KIF26B: variants seen among roughly 807,000 people sequenced by gnomAD.
KIF26B encodes kinesin-like protein KIF26B.
Under a neutral mutation model 151.2 loss-of-function variants are expected in KIF26B, and 63 were observed. That is an observed-to-expected ratio of 0.42 (90% CI 0.34 to 0.51). The LOEUF is 0.51. Ranked by LOEUF, KIF26B falls within the 20% of genes least tolerant of loss-of-function variation. The pLI is 0.07. For synonymous variants in KIF26B, 1,357 were observed against 1,262.1 expected (o/e 1.08, Z -1.59); for missense variants, 2,813 against 2,913.6 (o/e 0.97, Z 0.79).
intron 5 of KIF26B, among the ~76,000 whole-genome samples, chr1:245,587,335 C>T (rs544218437): frequency 1.2e-3 from 182 of 152,200 alleles, no homozygotes; most frequent in African/African-American, 4.1e-3. Context: ...CCTGATAAAC[C>T]GTAAGCCCCT....
At chr1:245,482,426 T>C (rs1660188421) in intron 4 of KIF26B, among the ~76,000 whole-genome samples, 2 of 151,816 alleles carry the variant, frequency 1.3e-5, no homozygotes, top group South Asian at 4.2e-4. Flanking sequence ...CAATGAGTAA[T>C]CCTTTATAAT....
intron 5 of KIF26B, among the ~76,000 whole-genome samples, chr1:245,544,857 A>T (rs992576285): frequency 5.3e-5 from 8 of 152,134 alleles, no homozygotes; most frequent in Non-Finnish European, 8.8e-5. Context: ...GTGCTATCCC[A>T]TCCCTTCCCT....
chr1:245,303,480 A>G (rs4428926), intron 2 of KIF26B, among the ~76,000 whole-genome samples: 41,364 of 150,714 alleles, frequency 0.27, 5,912 homozygotes, highest in Admixed American at 0.38. Flanking sequence ...TTACAGGCGT[A>G]AGCCACCGCG....
At chr1:245,640,143 CTA>C (rs1166040223) in intron 9 of KIF26B, among the ~76,000 whole-genome samples, 18 of 31,860 alleles carry the variant, frequency 5.6e-4, no homozygotes, top group Non-Finnish European at 3.5e-4. Flanking sequence ...CTCTCTCTCT[CTA>C]TATATATATA....
At chr1:245,475,808 T>C (rs1029693704) in intron 4 of KIF26B, among the ~76,000 whole-genome samples, 1 of 151,826 alleles carries the variant, frequency 6.6e-6, no homozygotes, top group Admixed American at 6.6e-5. Flanking sequence ...ACGTTGTTTG[T>C]GGGAATGTAA....
chr1:245,287,498 CTTTTTT>C (rs1334935128), intron 2 of KIF26B, among the ~76,000 whole-genome samples: 1 of 109,340 alleles, frequency 9.1e-6, no homozygotes. Context: ...CTCTCTCTCT[CTTTTTT>C]TTTTTTTTTT....
intron 3 of KIF26B, among the ~76,000 whole-genome samples, chr1:245,415,339 TG>T (rs1674391189): frequency 6.6e-6 from 1 of 152,176 alleles, no homozygotes; most frequent in Non-Finnish European, 1.5e-5. Context: ...TTTGTTTCTT[TG>T]ATTAATAGGA....
chr1:245,579,261 A>G (rs2043152019), intron 5 of KIF26B, among the ~76,000 whole-genome samples: 1 of 152,216 alleles, frequency 6.6e-6, no homozygotes, highest in Admixed American at 6.5e-5. Flanking sequence ...CATTCTGGAA[A>G]CTTTGCACAA....
intron 11 of KIF26B, 78 bp downstream of exon 11, chr1:245,684,473 C>G (rs999520995): frequency 2.8e-6 from 4 of 1,410,816 alleles, no homozygotes. Context: ...TCAGAAAAAG[C>G]CAAATCAACG....
chr1:245,465,467 A>C (rs1659765142), intron 4 of KIF26B, among the ~76,000 whole-genome samples: 1 of 152,058 alleles, frequency 6.6e-6, no homozygotes, highest in Non-Finnish European at 1.5e-5. Flanking sequence ...GGTTCACTTA[A>C]AGGCACGGCT....
chr1:245,245,883 A>C (rs906958277), intron 2 of KIF26B, among the ~76,000 whole-genome samples: 4 of 149,792 alleles, frequency 2.7e-5, no homozygotes, highest in Admixed American at 6.8e-5. Context: ...CCGAGATCAC[A>C]CTACTACAGT....
rs1660498750 is a variant in KIF26B at position 245,495,690 on chromosome 1, A to T, written c.1167-45077A>T. On this transcript the variant is annotated intron_variant, in intron 4 of 14. Coordinates refer to ENST00000407071, the MANE Select transcript of KIF26B (RefSeq NM_018012.4). This position sits in a 1 kb window ranked among gnomAD's most constrained non-coding sequence, Gnocchi z 4.2. ...CCTTTCTCAGCCTCTAACACCTAAAATTCTACTTCAAAATGTGATTTAAGA... is the reference window on the plus strand; with the variant it reads ...CCTTTCTCAGCCTCTAACACCTAAATTTCTACTTCAAAATGTGATTTAAGA... Among the ~76,000 whole-genome samples, 1 of 152,196 alleles carries T rather than the reference A, an allele frequency of 6.6e-6. No homozygotes were observed. The highest frequency in any genetic ancestry group is 2.4e-5 in the African/African-American group (1 of 41,450).
At chr1:245,528,398 C>T (rs1038701678) in intron 4 of KIF26B, among the ~76,000 whole-genome samples, 1 of 152,176 alleles carries the variant, frequency 6.6e-6, no homozygotes, top group African/African-American at 2.4e-5. Context: ...GGGATCCTGC[C>T]CGCTGTGCTT....
intron 10 of KIF26B, 38 bp downstream of exon 10, chr1:245,646,318 A>G (rs764869720): frequency 6.2e-7 from 1 of 1,606,088 alleles, no homozygotes; most frequent in African/African-American, 1.3e-5. Flanking sequence ...TGGTGGGGTA[A>G]GCATGGTGTG....
At chr1:245,420,745 A>G (rs1572053553) in intron 4 of KIF26B, among the ~76,000 whole-genome samples, 2 of 152,356 alleles carry the variant, frequency 1.3e-5, no homozygotes, top group Middle Eastern at 6.8e-3. Flanking sequence ...GATGATGAGA[A>G]ATTATAAAGT....
At chr1:245,612,119 AGAGAG>A in intron 9 of KIF26B, 143 bp downstream of exon 9, 1 of 783,564 alleles carries the variant, frequency 1.3e-6, no homozygotes. Context: ...AGAGAGAGAG[AGAGAG>A]AGAGAGACAG....
At chr1:245,675,558 C>A (rs1004921834) in intron 10 of KIF26B, among the ~76,000 whole-genome samples, 4 of 152,162 alleles carry the variant, frequency 2.6e-5, no homozygotes, top group African/African-American at 9.7e-5. Flanking sequence ...TTTTACTACC[C>A]AAGCCTGACC....
chr1:245,287,494 C>CTTTTTTTTTTT (rs1157634485), intron 2 of KIF26B, among the ~76,000 whole-genome samples: 2 of 113,152 alleles, frequency 1.8e-5, no homozygotes, highest in African/African-American at 4.2e-5. Flanking sequence ...TCATCTCTCT[C>CTTTTTTTTTTT]TCTCTTTTTT....
chr1:245,629,315 T>C (rs2043755803), intron 9 of KIF26B, among the ~76,000 whole-genome samples: 1 of 151,956 alleles, frequency 6.6e-6, no homozygotes, highest in East Asian at 1.9e-4. Context: ...AGAACAAAGC[T>C]GGGAGGCATC....
Sources: allele counts gnomAD v4.1 joint callset (sites outside exome capture counted in the v4.1 genomes callset), GRCh38; gene constraint gnomAD v4.1.1; non-coding constraint Gnocchi (gnomAD v3.1); transcripts MANE v1.5; gene names NCBI Gene and HGNC (gene_info 2026-07-23, HGNC 2026-07-21).